The following RFX1 variants were observed in gnomAD, a reference collection of about 807,000 sequenced individuals.
The protein encoded by RFX1 is regulatory factor X1.
Under a neutral mutation model 119.6 loss-of-function variants are expected in RFX1, and 42 were observed. The ratio of observed to expected loss-of-function variants is 0.35; its 90% CI spans 0.27 to 0.45. The LOEUF (loss-of-function observed/expected upper bound fraction) is 0.45. RFX1 is among the 20% of genes least tolerant of loss of function. The pLI, the probability that RFX1 is intolerant of heterozygous loss-of-function variation, is 1.00. For missense variants in RFX1, 1,118 were observed against 1,368.1 expected, an observed-to-expected ratio of 0.82 and a Z score of 2.88; for synonymous variants, 628 against 618.5, an observed-to-expected ratio of 1.02 and a Z score of -0.23.
chr19:13,998,998 C>T (rs536017240), intron 1 of RFX1, among the ~76,000 whole-genome samples: 35 of 152,268 alleles, frequency 2.3e-4, no homozygotes, highest in Non-Finnish European at 3.7e-4. Context: ...GGTGGGAGAT[C>T]GAGGAACAAC....
Position 13,970,025 on chromosome 19 carries a change from T to C in RFX1, c.1465A>G (p.Met489Val), listed in dbSNP as rs767230838. 13 of 1,610,554 alleles carry C rather than the reference T, an allele frequency of 8.1e-6. No individual in the cohort carries two copies. The highest frequency in any genetic ancestry group is 1.1e-5 in the South Asian group (1 of 91,008). Residue 489 changes from methionine to valine, a missense_variant, in exon 10 of 21, where the codon ATG (methionine) becomes GTG (valine). Physicochemically the swap from Met to Val is conservative, Grantham distance 21. Coordinates refer to ENST00000254325, the MANE Select transcript of RFX1 (RefSeq NM_002918.5). Reference sequence around the variant, plus strand: ...CCCAGACGGCGGGTTCGCAGGCCCATGAAGACGGAGCGGATGAGCTTGCCG... The same window carrying C: ...CCCAGACGGCGGGTTCGCAGGCCCACGAAGACGGAGCGGATGAGCTTGCCG... Reference protein sequence around the residue: ...SFGKLIRSVFMGLRTRRLGTR... With the variant: ...SFGKLIRSVFVGLRTRRLGTR...
Position 13,963,991 on chromosome 19 carries a change from G to C in RFX1, c.2228C>G (p.Ala743Gly), listed in dbSNP as rs761835722. The C allele has an allele frequency of 2.6e-6, 4 of 1,535,030 alleles. No individual in the cohort carries two copies. Among genetic ancestry groups the C allele is most frequent in the Non-Finnish European group, 3.5e-6 (4 of 1,146,248 alleles). ...GTAGCGCCGCAGTGTCTGCGCGAAG[G>C]CGCCAGCCGCGGCCACCTGCGTGCA... ...MLRVKVAAAG[A>G]FAQTLRRYTS... Residue 743 changes from alanine to glycine, a missense_variant, in exon 17 of 21, where the codon GCC becomes GGC. Transcript: ENST00000254325.
At chr19:13,974,070 T>C (rs1383709187) in intron 8 of RFX1, among the ~76,000 whole-genome samples, 1 of 151,940 alleles carries the variant, frequency 6.6e-6, no homozygotes, top group African/African-American at 2.4e-5. Flanking sequence ...TCACACACTT[T>C]GGACACAGCA....
intron 1 of RFX1, among the ~76,000 whole-genome samples, chr19:14,003,113 G>C (rs1975268912): frequency 6.6e-6 from 1 of 152,174 alleles, no homozygotes; most frequent in Admixed American, 6.5e-5. Flanking sequence ...CTCCTAAATA[G>C]CTGGGACTAC....
chr19:13,979,867 G>A (rs1974373385), intron 6 of RFX1, among the ~76,000 whole-genome samples: 1 of 152,174 alleles, frequency 6.6e-6, no homozygotes, highest in Non-Finnish European at 1.5e-5. Context: ...TGTCAACTGT[G>A]TGCCCTGTTC....
intron 12 of RFX1, among the ~76,000 whole-genome samples, chr19:13,967,056 G>A (rs1346413927): frequency 6.6e-6 from 1 of 152,196 alleles, no homozygotes; most frequent in Non-Finnish European, 1.5e-5. Flanking sequence ...CCTGGCCGGG[G>A]AATGGGTAGG....
rs1032702218 is a variant in RFX1 at position 13,968,368 on chromosome 19, T to C, written c.1732+197A>G. 3.3e-5 allele frequency among the ~76,000 whole-genome samples: 5 copies of C among 151,862 alleles called. No homozygotes were observed. Among genetic ancestry groups the C allele is most frequent in the African/African-American group, 1.2e-4 (5 of 41,326 alleles). ...GCATTGAAAGAAATGAGAATCTACCTTGAAGAAGGATTCTAGGGACAGAAC... is the reference window on the plus strand; with the variant it reads ...GCATTGAAAGAAATGAGAATCTACCCTGAAGAAGGATTCTAGGGACAGAAC... On this transcript the variant is annotated intron_variant, in intron 12 of 20. Coordinates refer to ENST00000254325, the MANE Select transcript of RFX1 (RefSeq NM_002918.5). This position sits in a 1 kb window ranked among gnomAD's most constrained non-coding sequence, Gnocchi z 5.5.
upstream of RFX1, chr19:14,006,749 C>T (rs1975394122): frequency 6.6e-6 from 1 of 152,256 alleles, no homozygotes; most frequent in Admixed American, 6.5e-5. Context: ...ACATGTCTTA[C>T]CAAATTAAAA....
chr19:13,972,779 C>T lies in RFX1; in HGVS notation c.1278G>A (p.Gln426=). ...QGGYMLGSAS[Q]SYSHTTRASP... ...AGGCACGGGTGGTGTGAGAGTAAGA[C>T]TGGCTGGCACTGCCCAGCATGTAGC... The change falls in exon 9 of 21, where the codon CAG becomes CAA. Residue 426 remains glutamine (Q), a synonymous_variant. Coordinates refer to ENST00000254325, the MANE Select transcript of RFX1 (RefSeq NM_002918.5). The T allele has an allele frequency of 6.2e-7, 1 of 1,606,842 alleles. No individual in the cohort carries two copies.
intron 2 of RFX1, among the ~76,000 whole-genome samples, chr19:13,989,576 A>T (rs1320046212): frequency 6.6e-6 from 1 of 152,106 alleles, no homozygotes; most frequent in Non-Finnish European, 1.5e-5. Flanking sequence ...ACAGACAGAC[A>T]GACAGAGAGA....
chr19:13,983,438 G>GC (rs774105249), intron 3 of RFX1, 48 bp downstream of exon 3: 2 of 1,444,074 alleles, frequency 1.4e-6, no homozygotes, highest in Non-Finnish European at 9.5e-7. Context: ...AGCCTGCACT[G>GC]CCCCCCTCCC....
In RFX1 at chr19:13,966,755, G is replaced by A. The variant is rs1440357610; in HGVS notation, c.1733-4C>T. On this transcript the variant is annotated splice_polypyrimidine_tract_variant and splice_region_variant and intron_variant, in intron 12 of 20. Coordinates refer to ENST00000254325, the MANE Select transcript of RFX1 (RefSeq NM_002918.5). This position sits in a 1 kb window ranked among gnomAD's most constrained non-coding sequence, Gnocchi z 6.3. ...TCAGGGAGGCTCCGAGAGGCATCTA[G>A]GGGGCCGGGGGGAACCGTGAGGCCC... The A allele has an allele frequency of 1.3e-6, 2 of 1,591,230 alleles. No individual in the cohort carries two copies. Among genetic ancestry groups the A allele is most frequent in the East Asian group, 4.5e-5 (2 of 44,568 alleles).
rs753091331 is a variant in RFX1 at position 13,968,546 on chromosome 19, C to T, written c.1732+19G>A. 34 of 1,590,738 alleles carry T rather than the reference C, an allele frequency of 2.1e-5. No homozygotes were observed. Among genetic ancestry groups the T allele is most frequent in the South Asian group, 3.3e-5 (3 of 90,624 alleles). On this transcript the variant is annotated intron_variant, in intron 12 of 20. Transcript: ENST00000254325. This position sits in a 1 kb window ranked among gnomAD's most constrained non-coding sequence, Gnocchi z 5.5. ...CAGGGAGGCGGTGGTTGGGGAAGCA[C>T]GGGCCAGGGAGCTCTCACCCAAAAA...
intron 1 of RFX1, among the ~76,000 whole-genome samples, chr19:14,000,604 C>T (rs1221264951): frequency 6.6e-6 from 1 of 152,006 alleles, no homozygotes; most frequent in Non-Finnish European, 1.5e-5. Flanking sequence ...CAAGACCAGC[C>T]TAAGCAACAA....
rs999370327 is a variant in RFX1 at position 13,986,382 on chromosome 19, A to G, written c.320-2787T>C. ...CTCTGGGGTAGCCCTCAAGGCTGGGACCCCGCCTGCCAGCCCAGGAGGGCG... is the reference window on the plus strand; with the variant it reads ...CTCTGGGGTAGCCCTCAAGGCTGGGGCCCCGCCTGCCAGCCCAGGAGGGCG... On this transcript the variant is annotated intron_variant, in intron 2 of 20. Transcript: ENST00000254325. This position sits in a 1 kb window ranked among gnomAD's most constrained non-coding sequence, Gnocchi z 4.2. 6.6e-6 allele frequency among the ~76,000 whole-genome samples: 1 copy of G among 151,874 alleles called. No individual in the cohort carries two copies. Among genetic ancestry groups the G allele is most frequent in the Non-Finnish European group, 1.5e-5 (1 of 67,936 alleles).
intron 2 of RFX1, among the ~76,000 whole-genome samples, chr19:13,989,865 G>A (rs557257731): frequency 6.6e-6 from 1 of 152,116 alleles, no homozygotes; most frequent in African/African-American, 2.4e-5. Flanking sequence ...GAAGAGGCGG[G>A]GGGGGTTCTG....
chr19:13,968,608 C>T lies in RFX1; in HGVS notation c.1689G>A (p.Leu563=), dbSNP rs772024462. ...VAVGQQPSTG[L]SDISAQVQQY... The stretch of plus-strand genomic sequence containing the variant: ...GCTGCACCTGGGCGCTGATGTCCGA[C>T]AGCCCCGTGCTCGGCTGCTGCCCCA... The change falls in exon 12 of 21, where the codon CTG becomes CTA. Residue 563 remains leucine (L), a synonymous_variant. Coordinates refer to ENST00000254325, the MANE Select transcript of RFX1 (RefSeq NM_002918.5). The surrounding 1 kb of genome is among the most constrained non-coding windows in gnomAD (Gnocchi z 5.5). 2.5e-6 allele frequency: 4 copies of T among 1,613,322 alleles called. No homozygotes were observed. Among genetic ancestry groups the T allele is most frequent in the South Asian group, 1.1e-5 (1 of 91,088 alleles).
Position 13,977,305 on chromosome 19 carries a change from C to A in RFX1, c.929+687G>T, listed in dbSNP as rs1205747202. 2.3e-4 allele frequency among the ~76,000 whole-genome samples: 34 copies of A among 144,924 alleles called. No homozygotes were observed. In the East Asian group the frequency reaches 3.9e-3, roughly 17 times the overall value. On this transcript the variant is annotated intron_variant, in intron 8 of 20. Transcript: ENST00000254325. ...CAAGACTCCATCTCAAAAAAAAAAA[C>A]AAAAAAAAAGAAAAAAATGGATAGA... is the stretch of plus-strand genomic sequence containing the variant.
At position 13,965,925 on chromosome 19, in the gene RFX1, C is replaced by T. The variant is rs1973882139; in HGVS notation, c.1962-148G>A. On this transcript the variant is annotated intron_variant, in intron 14 of 20. Transcript: ENST00000254325. This position sits in a 1 kb window ranked among gnomAD's most constrained non-coding sequence, Gnocchi z 4.7. ...CCCAGCATCAGAAGGCACAGGTACC[C>T]CCTTACCCCCACTCCAGGGTCAGTG... 1 of 911,498 alleles carries T rather than the reference C, an allele frequency of 1.1e-6. No homozygotes were observed. The highest frequency in any genetic ancestry group is 1.6e-5 in the South Asian group (1 of 60,630). 56.5% of individuals were successfully genotyped at this position (911,498 alleles called of 1,614,324 possible).
Sources: gnomAD v4.1 joint callset for allele counts (sites outside exome capture counted in the v4.1 genomes callset) on GRCh38, gnomAD v4.1.1 for gene constraint, Gnocchi (gnomAD v3.1) non-coding constraint, MANE v1.5 for transcripts, NCBI Gene and HGNC (gene_info 2026-07-23, HGNC 2026-07-21) for gene names.